The following MYO3B variants were observed in gnomAD, a reference collection of about 807,000 sequenced individuals.
MYO3B encodes the protein myosin-IIIb.
In MYO3B, 156 loss-of-function variants were observed where a neutral mutation model predicts 174.6. That is an observed-to-expected ratio of 0.89 (90% CI 0.78 to 1.02). MYO3B has a LOEUF of 1.02. MYO3B is among the 50% of genes least tolerant of loss of function. The pLI is 0.00. For missense variants in MYO3B, 1,632 were observed against 1,639.4 expected (o/e 1.00, Z 0.08); for synonymous variants, 563 against 569.1 (o/e 0.99, Z 0.15).
At chr2:170,240,660 C>T (rs2093120992) in intron 7 of MYO3B, among the ~76,000 whole-genome samples, 1 of 152,158 alleles carries the variant, frequency 6.6e-6, no homozygotes, top group African/African-American at 2.4e-5. Flanking sequence ...AGAAAGTGGT[C>T]CTGCCCTTTA....
intron 23 of MYO3B, among the ~76,000 whole-genome samples, chr2:170,452,379 T>A (rs917950962): frequency 6.6e-6 from 1 of 152,256 alleles, no homozygotes; most frequent in Non-Finnish European, 1.5e-5. Flanking sequence ...TTAGGTTCTC[T>A]CATGTGGGCA....
chr2:170,568,615 C>G (rs560637986), intron 32 of MYO3B, among the ~76,000 whole-genome samples: 2 of 152,154 alleles, frequency 1.3e-5, no homozygotes, highest in Non-Finnish European at 2.9e-5. Flanking sequence ...TTTGCCCCAC[C>G]ACATTCTGCA....
At chr2:170,649,417 TA>T (rs943478715) in intron 32 of MYO3B, among the ~76,000 whole-genome samples, 1 of 127,998 alleles carries the variant, frequency 7.8e-6, no homozygotes, top group African/African-American at 2.9e-5. Flanking sequence ...ATATTACATA[TA>T]AAATATATAT....
At chr2:170,515,169 A>G (rs562966112) in intron 29 of MYO3B, 147 bp downstream of exon 29, 2 of 653,054 alleles carry the variant, frequency 3.1e-6, no homozygotes, top group Admixed American at 5.9e-5. Context: ...AATTAAATTT[A>G]AGGCCAACCT....
intron 22 of MYO3B, among the ~76,000 whole-genome samples, chr2:170,431,167 T>C (rs12477031): frequency 0.24 from 36,188 of 152,144 alleles, 5,055 homozygotes; most frequent in Non-Finnish European, 0.31. Context: ...TCTTGTACTT[T>C]TGTGAACACA....
rs140546802 is a variant in MYO3B at position 170,384,403 on chromosome 2, A to G, written c.1290+589A>G. Reference sequence around the variant, plus strand: ...ATATCTAATCTTTCATCCCTTCTTTACTTTCAATAGGTATATTTTTCTTTG... The same window carrying G: ...ATATCTAATCTTTCATCCCTTCTTTGCTTTCAATAGGTATATTTTTCTTTG... On this transcript the variant is annotated intron_variant, in intron 12 of 34. Coordinates refer to ENST00000408978, the MANE Select transcript of MYO3B (RefSeq NM_138995.5). Among the ~76,000 whole-genome samples, 624 of 152,128 alleles carry G rather than the reference A, an allele frequency of 4.1e-3. 3 individuals are homozygous for G. The highest frequency in any genetic ancestry group is 0.013 in the African/African-American group (558 of 41,502).
At chr2:170,574,730 A>G (rs1692680950) in intron 32 of MYO3B, among the ~76,000 whole-genome samples, 1 of 152,220 alleles carries the variant, frequency 6.6e-6, no homozygotes, top group South Asian at 2.1e-4. Flanking sequence ...GGTAATAATT[A>G]TGAGCACAGT....
At chr2:170,599,031 G>A (rs920995955) in intron 32 of MYO3B, among the ~76,000 whole-genome samples, 1 of 152,204 alleles carries the variant, frequency 6.6e-6, no homozygotes, top group Non-Finnish European at 1.5e-5. Flanking sequence ...GTCAGGCCCA[G>A]TGTGTTAGAT....
intron 30 of MYO3B, among the ~76,000 whole-genome samples, chr2:170,538,064 A>G (rs1317380727): frequency 6.6e-6 from 1 of 152,244 alleles, no homozygotes; most frequent in Non-Finnish European, 1.5e-5. Context: ...AGAAACAAGT[A>G]AAATTTAGAA....
At chr2:170,470,102 CAAAAAA>C (rs34472083) in intron 25 of MYO3B, among the ~76,000 whole-genome samples, 2 of 46,350 alleles carry the variant, frequency 4.3e-5, no homozygotes, top group South Asian at 1.9e-3. Context: ...AACTCCGTCT[CAAAAAA>C]AAAAAAAAAA....
chr2:170,490,779 T>C (rs1053143693), intron 25 of MYO3B, among the ~76,000 whole-genome samples: 2 of 152,284 alleles, frequency 1.3e-5, no homozygotes, highest in East Asian at 3.9e-4. Context: ...TGTTGGATTT[T>C]GTCAAATGCT....
intron 5 of MYO3B, among the ~76,000 whole-genome samples, chr2:170,215,163 T>C (rs1225849229): frequency 6.6e-6 from 1 of 152,268 alleles, no homozygotes; most frequent in Middle Eastern, 3.2e-3. Flanking sequence ...TTTCTTCTTT[T>C]GCATATGAAA....
intron 8 of MYO3B, among the ~76,000 whole-genome samples, chr2:170,362,455 C>T (rs1403186032): frequency 6.6e-6 from 1 of 152,166 alleles, no homozygotes; most frequent in South Asian, 2.1e-4. Context: ...TGGCAGCTGC[C>T]CTGTCGTCCA....
intron 8 of MYO3B, among the ~76,000 whole-genome samples, chr2:170,360,077 A>G (rs1451513352): frequency 6.6e-6 from 1 of 152,144 alleles, no homozygotes; most frequent in Non-Finnish European, 1.5e-5. Context: ...GCACTCTCTT[A>G]GCCCCAACCC....
At chr2:170,559,308 A>T (rs1691555634) in intron 32 of MYO3B, among the ~76,000 whole-genome samples, 1 of 152,168 alleles carries the variant, frequency 6.6e-6, no homozygotes, top group African/African-American at 2.4e-5. Context: ...TCTTTAAATA[A>T]ATGGGAAAAT....
At chr2:170,515,710 G>T (rs1310233350) in intron 29 of MYO3B, among the ~76,000 whole-genome samples, 1 of 152,078 alleles carries the variant, frequency 6.6e-6, no homozygotes, top group Non-Finnish European at 1.5e-5. Context: ...TTGATGGCAA[G>T]TGAAGATTTT....
intron 23 of MYO3B, among the ~76,000 whole-genome samples, chr2:170,458,773 C>T (rs572930509): frequency 9.9e-5 from 15 of 152,236 alleles, no homozygotes; most frequent in Admixed American, 3.3e-4. Flanking sequence ...TGTTCCTTGT[C>T]GGAAATTCTT....
intron 7 of MYO3B, among the ~76,000 whole-genome samples, chr2:170,264,582 T>G (rs903302333): frequency 1.3e-5 from 2 of 152,164 alleles, no homozygotes; most frequent in African/African-American, 4.8e-5. Context: ...CACGTGCTGG[T>G]TGTGTGATTT....
rs146534459 is a variant in MYO3B at position 170,321,515 on chromosome 2, C to A, written c.750-13870C>A. Among the ~76,000 whole-genome samples the A allele has an allele frequency of 5.2e-3, 784 of 152,120 alleles. 3 individuals are homozygous for A. Among genetic ancestry groups the A allele is most frequent in the Non-Finnish European group, 8.0e-3 (544 of 67,996 alleles). On this transcript the variant is annotated intron_variant, in intron 7 of 34. Coordinates refer to ENST00000408978, the MANE Select transcript of MYO3B (RefSeq NM_138995.5). ...AAGAACTACTTATCTTAGTTCCTTGCGAATGAACTTGAACACCTTAATGAA... is the reference window on the plus strand; with the variant it reads ...AAGAACTACTTATCTTAGTTCCTTGAGAATGAACTTGAACACCTTAATGAA...
Sources: allele counts gnomAD v4.1 joint callset (sites outside exome capture counted in the v4.1 genomes callset), GRCh38; gene constraint gnomAD v4.1.1; transcripts MANE v1.5; gene names NCBI Gene and HGNC (gene_info 2026-07-23, HGNC 2026-07-21).